Variants in SBNO1 observed in about 807,000 individuals in gnomAD.
SBNO1 encodes the protein strawberry notch homolog 1, also known as protein strawberry notch homolog 1.
Under a neutral mutation model 173.6 loss-of-function variants are expected in SBNO1, and 23 were observed. The ratio of observed to expected loss-of-function variants is 0.13; its 90% CI spans 0.10 to 0.19. The LOEUF (loss-of-function observed/expected upper bound fraction) is 0.19, where lower values mean the gene tolerates loss of function less well. SBNO1 is among the 10% of genes least tolerant of loss of function. SBNO1 has a pLI of 1.00. For synonymous variants in SBNO1, 632 were observed against 571.5 expected (o/e 1.11, Z -1.51); for missense variants, 1,238 against 1,671.2 (o/e 0.74, Z 4.52).
At chr12:123,299,293 A>G (rs368781925) in intron 30 of SBNO1, among the ~76,000 whole-genome samples, 1 of 144,748 alleles carries the variant, frequency 6.9e-6, no homozygotes, top group Non-Finnish European at 1.5e-5. Context: ...GCGTGAACCC[A>G]GGAGGCGGAG....
At chr12:123,357,317 T>C (rs937222545) in intron 1 of SBNO1, among the ~76,000 whole-genome samples, 2 of 152,086 alleles carry the variant, frequency 1.3e-5, no homozygotes, top group Non-Finnish European at 2.9e-5. Context: ...CCGGGCATGG[T>C]GGCGTGCCTG....
Position 123,364,809 on chromosome 12 carries a change from C to T in SBNO1, c.-109G>A, listed in dbSNP as rs1483275742. The T allele has an allele frequency of 2.1e-5, 20 of 937,230 alleles. No individual in the cohort carries two copies. In the South Asian group the frequency reaches 7.5e-4, roughly 35 times the overall value. 58.1% of individuals were successfully genotyped at this position (937,230 alleles called of 1,614,324 possible). A position where few individuals can be genotyped will look rare whatever the true frequency, so the allele number is the denominator to read the frequency against. ...CGGTGGCGGCGGCAGCAGCGGCGTC[C>T]TGCTCTGCCTACCTCCCCGCCGCCA... On this transcript the variant is annotated 5_prime_UTR_variant, in exon 1 of 32. Coordinates refer to ENST00000602398, the MANE Select transcript of SBNO1 (RefSeq NM_001167856.3).
chr12:123,304,266 C>T (rs753363062), intron 29 of SBNO1, among the ~76,000 whole-genome samples: 12 of 151,756 alleles, frequency 7.9e-5, no homozygotes, highest in South Asian at 2.1e-4. Flanking sequence ...CGAAGTTTCG[C>T]GCTTGTTGCC....
At chr12:123,340,922 G>C in intron 5 of SBNO1, 66 bp downstream of exon 5, 1 of 1,000,966 alleles carries the variant, frequency 1.0e-6, no homozygotes, top group Non-Finnish European at 1.5e-6. Context: ...GTTCCATATA[G>C]AACACTTTTA....
At chr12:123,332,734 T>G (rs1276498015) in intron 7 of SBNO1, among the ~76,000 whole-genome samples, 1 of 151,728 alleles carries the variant, frequency 6.6e-6, no homozygotes, top group East Asian at 1.9e-4. Flanking sequence ...GCCTGGCTAA[T>G]TTTTGTATTT....
chr12:123,298,196 A>C, intron 30 of SBNO1, 25 bp from the exon 31 acceptor site: 2 of 1,601,420 alleles, frequency 1.2e-6, no homozygotes, highest in Non-Finnish European at 1.7e-6. Flanking sequence ...AAAGAAATAC[A>C]TATGAGTGTC....
chr12:123,317,034 CACTGCGTTGACCAGGCTGGTCTCAA>C (rs1869371978), intron 21 of SBNO1, among the ~76,000 whole-genome samples, 162 bp downstream of exon 21: 1 of 152,160 alleles, frequency 6.6e-6, no homozygotes, highest in African/African-American at 2.4e-5. Context: ...GAAAGGGTCT[CACTGCGTTGACCAGGCTGGTCTCAA>C]ACTCCCGGAC....
chr12:123,354,467 T>G (rs1288948980), intron 1 of SBNO1, among the ~76,000 whole-genome samples: 1 of 152,126 alleles, frequency 6.6e-6, no homozygotes, highest in Admixed American at 6.6e-5. Flanking sequence ...AAATTCTCTA[T>G]TTGTTCTTTT....
rs958355659 is a variant in SBNO1 at position 123,299,107 on chromosome 12, G to A, written c.3846-936C>T. ...GTATGGGCTGGGTGCGGTGGCTCAC[G>A]CCTGTAATCCCAGCACTTTGGGAGG... On this transcript the variant is annotated intron_variant, in intron 30 of 31. Transcript: ENST00000602398. 4.6e-5 allele frequency among the ~76,000 whole-genome samples: 7 copies of A among 152,200 alleles called. No individual in the cohort carries two copies. In the South Asian group the frequency reaches 6.2e-4, roughly 13 times the overall value.
At chr12:123,314,681 AG>A (rs1282366570) in intron 23 of SBNO1, among the ~76,000 whole-genome samples, 5 of 151,838 alleles carry the variant, frequency 3.3e-5, no homozygotes, top group Admixed American at 3.3e-4. Context: ...CCTATTGCCC[AG>A]GCTGGAGTGC....
chr12:123,309,316 T>C lies in SBNO1; in HGVS notation c.3624A>G (p.Ser1208=), dbSNP rs61760955. Residue 1208 remains serine (S), a synonymous_variant, in exon 28 of 32, where the codon TCA becomes TCG. Coordinates refer to ENST00000602398, the MANE Select transcript of SBNO1 (RefSeq NM_001167856.3). ...TTTAAAGGAAAAGTCGTACTTGCAATGACAAGTAAAAGCCATCGTCTGGTC... is the reference window on the plus strand; with the variant it reads ...TTTAAAGGAAAAGTCGTACTTGCAACGACAAGTAAAAGCCATCGTCTGGTC... ...LTGPDDGFYL[S]LQIRNNKKTA... 2.8e-3 allele frequency: 4,560 copies of C among 1,613,318 alleles called. 106 individuals carry two copies. In the African/African-American group the frequency reaches 0.049, roughly 17 times the overall value.
intron 5 of SBNO1, among the ~76,000 whole-genome samples, chr12:123,339,058 T>G (rs1872230537): frequency 6.6e-6 from 1 of 152,166 alleles, no homozygotes; most frequent in Non-Finnish European, 1.5e-5. Flanking sequence ...AAACATTTCT[T>G]GAAGAAATAT....
intron 3 of SBNO1, among the ~76,000 whole-genome samples, chr12:123,347,570 G>T (rs1246267995): frequency 2.0e-5 from 3 of 151,274 alleles, no homozygotes; most frequent in African/African-American, 7.3e-5. Context: ...CTGTCGCCCA[G>T]GCTGGAGTGC....
intron 7 of SBNO1, 77 bp downstream of exon 7, chr12:123,333,976 T>C: frequency 1.1e-6 from 1 of 937,128 alleles, no homozygotes; most frequent in Non-Finnish European, 1.5e-6. Context: ...CAAGGAAAAG[T>C]TACCTTTAGA....
intron 7 of SBNO1, 67 bp from the exon 8 acceptor site, chr12:123,331,442 C>G: frequency 7.1e-7 from 1 of 1,409,054 alleles, no homozygotes; most frequent in Non-Finnish European, 9.6e-7. Flanking sequence ...CTTTCATACA[C>G]TGTTTTAGGA....
rs1474702730 is a variant in SBNO1 at position 123,327,462 on chromosome 12, C to G, written c.1656G>C (p.Gln552His). 1 of 1,613,780 alleles carries G rather than the reference C, an allele frequency of 6.2e-7. No homozygotes were observed. The highest frequency in any genetic ancestry group is 1.7e-5 in the Admixed American group (1 of 59,968). ...CTTTGTTATACATTTTAACGTAGCT[C>G]TGAGAAAGAAGAACTTCCTCAATTT... ...TFKIEEVLLS[Q>H]SYVKMYNKAV... is the part of the protein sequence containing the mutation. The change falls in exon 13 of 32, where the codon CAG becomes CAC. Residue 552 changes from glutamine to histidine, a missense_variant. Physicochemically the swap from Gln to His is conservative, Grantham distance 24. Around this residue, in one of 14 missense-constraint regions of SBNO1, gnomAD observed 182 missense variants for 339.9 expected, o/e 0.54. Transcript: ENST00000602398.
intron 1 of SBNO1, among the ~76,000 whole-genome samples, chr12:123,353,836 C>T (rs1874143619): frequency 6.6e-6 from 1 of 152,126 alleles, no homozygotes; most frequent in Admixed American, 6.6e-5. Context: ...AATGTCATCT[C>T]TTTAAAATAA....
intron 1 of SBNO1, among the ~76,000 whole-genome samples, chr12:123,361,187 T>C (rs1486678940): frequency 1.3e-5 from 2 of 151,778 alleles, no homozygotes; most frequent in Admixed American, 1.3e-4. Flanking sequence ...GAGGTTGCAG[T>C]GAGCAGAGAT....
chr12:123,334,277 TATAAG>T (rs761489991), intron 6 of SBNO1, 64 bp from the exon 7 acceptor site: 17 of 949,082 alleles, frequency 1.8e-5, no homozygotes, highest in Admixed American at 6.3e-5. Context: ...CCAGTTTCAT[TATAAG>T]ATATTTCAAT....
Sources: allele counts gnomAD v4.1 joint callset (sites outside exome capture counted in the v4.1 genomes callset), GRCh38; gene constraint gnomAD v4.1.1; regional missense constraint gnomAD v4.1.1; transcripts MANE v1.5; gene names NCBI Gene and HGNC (gene_info 2026-07-23, HGNC 2026-07-21).